The following CSMD1 variants were observed in gnomAD, a reference collection of about 807,000 sequenced individuals.
The protein encoded by CSMD1 is CUB and Sushi multiple domains 1, also known as CUB and sushi domain-containing protein 1.
CSMD1 carries 213 observed loss-of-function variants against 417.5 expected under a neutral mutation model. The observed-to-expected ratio is 0.51, with a 90% CI of 0.46 to 0.57. The LOEUF (loss-of-function observed/expected upper bound fraction) is 0.57. CSMD1 is among the 20% of genes least tolerant of loss of function. The pLI is 0.00. For synonymous variants in CSMD1, 2,862 were observed against 1,736.8 expected, an observed-to-expected ratio of 1.65 and a Z score of -16.11; for missense variants, 6,923 against 4,529.7, an observed-to-expected ratio of 1.53 and a Z score of -15.17.
intron 2 of CSMD1, among the ~76,000 whole-genome samples, chr8:4,616,146 A>C (rs1304250768): frequency 6.6e-6 from 1 of 152,232 alleles, no homozygotes; most frequent in Non-Finnish European, 1.5e-5. Context: ...TTGTGATAAA[A>C]ATAAATGAAC....
At chr8:2,966,050 A>G in intron 58 of CSMD1, 96 bp from the exon 59 acceptor site, 3 of 1,124,390 alleles carry the variant, frequency 2.7e-6, no homozygotes, top group Non-Finnish European at 3.9e-6. Context: ...CTGAGTTGCT[A>G]TTCACAGTGG....
chr8:4,403,204 C>G (rs539195062), intron 3 of CSMD1, among the ~76,000 whole-genome samples: 2 of 152,164 alleles, frequency 1.3e-5, no homozygotes, highest in Non-Finnish European at 2.9e-5. Flanking sequence ...TATTACTCAA[C>G]CAATTTTCTT....
At chr8:3,406,261 T>G (rs539939552) in intron 14 of CSMD1, 40 bp from the exon 15 acceptor site, 3 of 1,484,444 alleles carry the variant, frequency 2.0e-6, no homozygotes, top group Non-Finnish European at 2.7e-6. Flanking sequence ...TAAAAATACT[T>G]GAGTATTAAT....
At chr8:4,641,793 A>G (rs1280179477) in intron 1 of CSMD1, among the ~76,000 whole-genome samples, 2 of 152,182 alleles carry the variant, frequency 1.3e-5, no homozygotes, top group African/African-American at 4.8e-5. Context: ...CGGAAAATCT[A>G]GATATGTAGG....
At chr8:3,290,974 CTCT>C (rs773646734) in intron 25 of CSMD1, among the ~76,000 whole-genome samples, 8 of 152,068 alleles carry the variant, frequency 5.3e-5, no homozygotes, top group Non-Finnish European at 1.0e-4. Flanking sequence ...TCATAGATAG[CTCT>C]TATTATTTTG....
intron 48 of CSMD1, among the ~76,000 whole-genome samples, chr8:3,087,580 A>T (rs553028061): frequency 2.2e-4 from 33 of 152,358 alleles, no homozygotes; most frequent in Non-Finnish European, 4.4e-4. Flanking sequence ...CCTGGGACAC[A>T]CTGGAAGAAG....
At chr8:4,195,918 T>G (rs1799313406) in intron 3 of CSMD1, among the ~76,000 whole-genome samples, 1 of 151,318 alleles carries the variant, frequency 6.6e-6, no homozygotes, top group Non-Finnish European at 1.5e-5. Context: ...AACTATGAGA[T>G]AAAAAATGCC....
At chr8:4,802,706 T>G (rs948768605) in intron 1 of CSMD1, among the ~76,000 whole-genome samples, 6 of 152,186 alleles carry the variant, frequency 3.9e-5, no homozygotes, top group Admixed American at 2.6e-4. Context: ...GTTTTCTTGT[T>G]TTGATATTAT....
At chr8:4,155,815 T>C (rs1318104993) in intron 3 of CSMD1, among the ~76,000 whole-genome samples, 1 of 152,160 alleles carries the variant, frequency 6.6e-6, no homozygotes, top group Non-Finnish European at 1.5e-5. Flanking sequence ...TACACAAAGC[T>C]GCAAAGTCAA....
chr8:4,690,431 A>C (rs1806691662), intron 1 of CSMD1, among the ~76,000 whole-genome samples: 1 of 152,216 alleles, frequency 6.6e-6, no homozygotes, highest in South Asian at 2.1e-4. Flanking sequence ...GCCAAAAAAG[A>C]AGAAAGTTGC....
intron 62 of CSMD1, among the ~76,000 whole-genome samples, chr8:2,958,998 A>G (rs1329231395): frequency 6.6e-6 from 1 of 152,242 alleles, no homozygotes; most frequent in African/African-American, 2.4e-5. Context: ...GTATGAATTT[A>G]TAAAGAAAAG....
intron 5 of CSMD1, among the ~76,000 whole-genome samples, chr8:3,943,905 T>G (rs1811056501): frequency 6.6e-6 from 1 of 152,094 alleles, no homozygotes; most frequent in Non-Finnish European, 1.5e-5. Flanking sequence ...CCTGTGATGC[T>G]GAATTAGGTT....
At chr8:3,976,546 A>C (rs1813449256) in intron 5 of CSMD1, among the ~76,000 whole-genome samples, 1 of 152,222 alleles carries the variant, frequency 6.6e-6, no homozygotes, top group Non-Finnish European at 1.5e-5. Context: ...AGAGCCTGTG[A>C]AACAGAGTGT....
chr8:4,964,556 A>G (rs1482635068), intron 1 of CSMD1, among the ~76,000 whole-genome samples: 1 of 150,368 alleles, frequency 6.7e-6, no homozygotes, highest in Non-Finnish European at 1.5e-5. Context: ...AAAAAGGATG[A>G]CTAGCAGGAG....
intron 33 of CSMD1, among the ~76,000 whole-genome samples, chr8:3,191,497 C>G (rs974335771): frequency 6.6e-6 from 1 of 152,062 alleles, no homozygotes; most frequent in African/African-American, 2.4e-5. Context: ...CTCCAGTTCT[C>G]TCTTGATGAG....
intron 5 of CSMD1, among the ~76,000 whole-genome samples, chr8:3,885,634 C>T (rs1446021521): frequency 2.6e-5 from 4 of 152,122 alleles, no homozygotes; most frequent in South Asian, 2.1e-4. Flanking sequence ...TCATTTCTTG[C>T]TTTCTGTTCT....
chr8:4,023,174 C>T (rs1455404757), intron 4 of CSMD1, among the ~76,000 whole-genome samples: 1 of 152,174 alleles, frequency 6.6e-6, no homozygotes, highest in Non-Finnish European at 1.5e-5. Context: ...TCTTCCTTTT[C>T]ACCCAGTGCA....
At chr8:3,545,537 A>C (rs1402141819) in intron 10 of CSMD1, among the ~76,000 whole-genome samples, 1 of 152,138 alleles carries the variant, frequency 6.6e-6, no homozygotes, top group Non-Finnish European at 1.5e-5. Context: ...TAATTTCACC[A>C]CTCTAATGTG....
At chr8:3,666,507 T>A (rs1798702303) in intron 7 of CSMD1, among the ~76,000 whole-genome samples, 1 of 152,194 alleles carries the variant, frequency 6.6e-6, no homozygotes, top group Non-Finnish European at 1.5e-5. Flanking sequence ...CTACACATCA[T>A]CTATTCTTTC....
Sources: allele counts gnomAD v4.1 joint callset (sites outside exome capture counted in the v4.1 genomes callset), GRCh38; gene constraint gnomAD v4.1.1; transcripts MANE v1.5; gene names NCBI Gene and HGNC (gene_info 2026-07-23, HGNC 2026-07-21).